The following ZNF320 variants were observed in gnomAD, a reference collection of about 807,000 sequenced individuals.
ZNF320 encodes the protein zinc finger gene 320.
A neutral mutation model predicts 6.8 loss-of-function variants in ZNF320; 2 were observed. That is an observed-to-expected ratio of 0.29 (90% CI 0.12 to 0.93). The LOEUF is 0.93. ZNF320 is among the 40% of genes least tolerant of loss of function. ZNF320 has a pLI of 0.55. For synonymous variants in ZNF320, 208 were observed against 203.2 expected, an observed-to-expected ratio of 1.02 and a Z score of -0.20; for missense variants, 472 against 611.0, an observed-to-expected ratio of 0.77 and a Z score of 2.40.
At chr19:52,867,386 C>G (rs940028345) in intron 5 of ZNF320, among the ~76,000 whole-genome samples, 2 of 151,400 alleles carry the variant, frequency 1.3e-5, no homozygotes, top group Admixed American at 1.3e-4. Context: ...TTAGTATAGA[C>G]GGGGTTTCAC....
intron 1 of ZNF320, 104 bp downstream of exon 1, chr19:52,897,416 A>G (rs1487244601): frequency 2.6e-5 from 4 of 152,238 alleles, no homozygotes; most frequent in Non-Finnish European, 4.4e-5. Context: ...TTGAGAAGGA[A>G]AATTCCGCGA....
upstream of ZNF320, among the ~76,000 whole-genome samples, chr19:52,898,729 CAG>C (rs1477761041): frequency 7.2e-5 from 11 of 152,318 alleles, no homozygotes; most frequent in East Asian, 5.8e-4. Flanking sequence ...CGGTACGTGA[CAG>C]GGGATGCATG....
At chr19:52,859,938 T>C (rs189494919), downstream of ZNF320, among the ~76,000 whole-genome samples, 753 of 145,376 alleles carry the variant, frequency 5.2e-3, 8 homozygotes, top group African/African-American at 0.016. Flanking sequence ...TTTGAGACGG[T>C]GTATCGCTCT....
chr19:52,887,472 CTG>C (rs1171435470), intron 5 of ZNF320, among the ~76,000 whole-genome samples: 11 of 152,196 alleles, frequency 7.2e-5, no homozygotes, highest in African/African-American at 2.7e-4. Context: ...ATTCTGAATG[CTG>C]TTGGAGCACT....
chr19:52,872,833 A>G (rs1286930505), downstream of ZNF320, among the ~76,000 whole-genome samples: 2 of 152,082 alleles, frequency 1.3e-5, no homozygotes, highest in African/African-American at 4.8e-5. Flanking sequence ...TATCTCTACT[A>G]TCTTGGTGAG....
downstream of ZNF320, among the ~76,000 whole-genome samples, chr19:52,872,067 A>C (rs1211707627): frequency 6.6e-6 from 1 of 152,104 alleles, no homozygotes; most frequent in Non-Finnish European, 1.5e-5. Context: ...CCTGCCTGTC[A>C]TCCTGGCTCC....
intron 5 of ZNF320, among the ~76,000 whole-genome samples, chr19:52,867,575 A>T (rs1349347229): frequency 6.6e-6 from 1 of 151,878 alleles, no homozygotes; most frequent in Non-Finnish European, 1.5e-5. Flanking sequence ...GGTGTTGACT[A>T]CTCATGAATA....
intron 1 of ZNF320, chr19:52,894,986 TC>T (rs1208775330): frequency 1.3e-5 from 2 of 152,198 alleles, no homozygotes; most frequent in Non-Finnish European, 2.9e-5. Flanking sequence ...ACACATGGGC[TC>T]TGCTGGAACA....
intron 1 of ZNF320, among the ~76,000 whole-genome samples, chr19:52,896,496 C>A (rs1288092571): frequency 1.3e-5 from 2 of 152,066 alleles, no homozygotes; most frequent in Non-Finnish European, 2.9e-5. Context: ...ATCGCTTGAG[C>A]CCTGGAGTTG....
rs2064248256 is a variant in ZNF320 at position 52,890,352 on chromosome 19, T to C, written c.-73-24A>G. ...TCCTAAATGTTAGAAATATGTTGTT[T>C]ATCACTGAGAATCAACACACCCCCT... On this transcript the variant is annotated intron_variant, in intron 3 of 5. Transcript: ENST00000682928. The C allele has an allele frequency of 2.7e-6, 4 of 1,500,666 alleles. No individual in the cohort carries two copies. The Admixed American group carries it at 7.4e-5, about 28-fold the overall frequency. The allele number at this position is 1,500,666 out of a possible 1,614,324, so 93.0% of individuals were successfully genotyped here. A position where few individuals can be genotyped will look rare whatever the true frequency, so the allele number is the denominator to read the frequency against.
exon 6 of ZNF320, among the ~76,000 whole-genome samples, chr19:52,863,180 G>C (rs190250775): frequency 6.6e-6 from 1 of 151,988 alleles, no homozygotes; most frequent in Non-Finnish European, 1.5e-5. Context: ...GACTGGTCTC[G>C]AACTCCTTAC....
In ZNF320 at chr19:52,879,232, C is replaced by T. The variant is rs1348632525; in HGVS notation, c.*1364G>A. ...ACCCCTTGTACTAGCGAACTGTATTCAAGAGGTTATAAAAAGGATTGTTGA... is the reference window on the plus strand; with the variant it reads ...ACCCCTTGTACTAGCGAACTGTATTTAAGAGGTTATAAAAAGGATTGTTGA... On this transcript the variant is annotated 3_prime_UTR_variant, in exon 6 of 6. Transcript: ENST00000682928. The T allele has an allele frequency of 6.6e-6, 1 of 152,330 alleles. No individual in the cohort carries two copies. The highest frequency in any genetic ancestry group is 6.5e-5 in the Admixed American group (1 of 15,270). The allele number at this position is 152,330 out of a possible 1,614,324, so 9.4% of individuals were successfully genotyped here.
At chr19:52,873,989 C>A (rs774014453), downstream of ZNF320, 1 of 459,954 alleles carries the variant, frequency 2.2e-6, no homozygotes. Context: ...AATATCACTT[C>A]ACCTGAGGAA....
exon 6 of ZNF320, chr19:52,862,507 T>A (rs938298290): frequency 2.8e-6 from 1 of 358,140 alleles, no homozygotes; most frequent in African/African-American, 2.1e-5. Context: ...ACTTGTAAGA[T>A]CTCTCTTCAT....
At chr19:52,860,535 G>T (rs1241565562), downstream of ZNF320, among the ~76,000 whole-genome samples, 1 of 147,438 alleles carries the variant, frequency 6.8e-6, no homozygotes, top group Non-Finnish European at 1.5e-5. Flanking sequence ...GGAGGCGGGG[G>T]TTGCAGTGAG....
At chr19:52,898,806 T>C (rs1215008688), upstream of ZNF320, among the ~76,000 whole-genome samples, 1 of 152,238 alleles carries the variant, frequency 6.6e-6, no homozygotes, top group Non-Finnish European at 1.5e-5. Flanking sequence ...ATACAATGTC[T>C]GGAATCTATG....
At chr19:52,887,338 T>A (rs1365575016) in intron 5 of ZNF320, among the ~76,000 whole-genome samples, 1 of 152,182 alleles carries the variant, frequency 6.6e-6, no homozygotes, top group Non-Finnish European at 1.5e-5. Context: ...CTCGTGCTTA[T>A]AAAAAGAAAG....
rs1350096690 is a variant in ZNF320, at chr19:52,881,082, C to T, written c.1044G>A (p.Arg348=). The change falls in exon 6 of 6, where the codon AGG becomes AGA. Residue 348 remains arginine (R), a synonymous_variant. Transcript: ENST00000682928. ...ATGGTTTCTCTCCAGTATGAATCCTCCTATGTCTTTCAAGATGTGATTTGC... is the reference window on the plus strand; with the variant it reads ...ATGGTTTCTCTCCAGTATGAATCCTTCTATGTCTTTCAAGATGTGATTTGC... ...FSRKSHLERH[R]RIHTGEKPYK... is the part of the protein sequence containing the mutation. The T allele has an allele frequency of 6.2e-7, 1 of 1,614,042 alleles. No homozygotes were observed. Among genetic ancestry groups the T allele is most frequent in the African/African-American group, 1.3e-5 (1 of 74,994 alleles).
At chr19:52,902,737 G>A in the ZNF320 span, among the ~76,000 whole-genome samples, 1 of 152,032 alleles carries the variant, frequency 6.6e-6, no homozygotes, top group African/African-American at 2.4e-5. Context: ...ATGAAACTTT[G>A]TAGACATATT....
Sources: allele counts gnomAD v4.1 joint callset (sites outside exome capture counted in the v4.1 genomes callset), GRCh38; gene constraint gnomAD v4.1.1; transcripts MANE v1.5; gene names NCBI Gene and HGNC (gene_info 2026-07-23, HGNC 2026-07-21).